Variants in ARL17B observed in about 807,000 individuals in gnomAD.
ARL17B encodes the protein ARF like GTPase 17B, also known as ADP-ribosylation factor-like protein 17.
At chr17:46,285,107 G>A (rs1162494019) in intron 4 of ARL17B, among the ~76,000 whole-genome samples, 1 of 152,188 alleles carries the variant, frequency 6.6e-6, no homozygotes, top group African/African-American at 2.4e-5. Flanking sequence ...TGACTCAAGT[G>A]ATCCTCCTGC....
chr17:46,282,229 A>T lies in ARL17B; in HGVS notation c.*22-6811T>A, dbSNP rs80015689. 3.9e-5 allele frequency among the ~76,000 whole-genome samples: 6 copies of T among 152,056 alleles called. No individual in the cohort carries two copies. In the East Asian group the frequency reaches 9.7e-4, roughly 25 times the overall value. ...GCCATTCTCCTGCCTCAGCCTCCCG[A>T]GTAGCTGGGACTACAGGCGTCTGCC... On this transcript the variant is annotated intron_variant, in intron 4 of 4. Coordinates refer to the ARL17B transcript ENST00000570618.
At chr17:46,279,508 T>TC (rs1383646574) in intron 4 of ARL17B, among the ~76,000 whole-genome samples, 3 of 149,814 alleles carry the variant, frequency 2.0e-5, no homozygotes, top group Non-Finnish European at 4.4e-5. Context: ...TTCTTTTTTT[T>TC]TTTTTTTTTT....
intron 4 of ARL17B, among the ~76,000 whole-genome samples, chr17:46,280,342 C>G (rs1184455895): frequency 6.6e-6 from 1 of 151,870 alleles, no homozygotes; most frequent in Non-Finnish European, 1.5e-5. Flanking sequence ...CCAGCCTGGG[C>G]AACAGAGTGA....
chr17:46,286,300 T>C (rs1273663103), intron 4 of ARL17B, among the ~76,000 whole-genome samples: 3 of 152,258 alleles, frequency 2.0e-5, no homozygotes, highest in Non-Finnish European at 4.4e-5. Flanking sequence ...AAGAACACTG[T>C]AATTTTGGAG....
In ARL17B at chr17:46,350,914, G is replaced by GTA. The variant is rs1403889262; in HGVS notation, c.259+1905_259+1906insTA. 5.1e-5 allele frequency among the ~76,000 whole-genome samples: 2 copies of GTA among 39,290 alleles called. 1 individual carries two copies. The highest frequency in any genetic ancestry group is 1.4e-4 in the African/African-American group (2 of 14,552). The allele number at this position is 39,290 out of a possible 152,430, so 25.8% of individuals were successfully genotyped here. On this transcript the variant is annotated intron_variant, in intron 3 of 3. Coordinates refer to ENST00000450673, the MANE Select transcript of ARL17B (RefSeq NM_001039083.5). The stretch of plus-strand genomic sequence containing the variant: ...CTGCTGTAGAATAAAAGACTAAAGA[G>GTA]GCAAAACAACAAAATGCACTGTGCG...
chr17:46,324,763 C>A lies in ARL17B; in HGVS notation c.260-25098G>T. 2.7e-5 allele frequency among the ~76,000 whole-genome samples: 2 copies of A among 74,654 alleles called. 1 individual carries two copies. The highest frequency in any genetic ancestry group is 6.7e-5 in the African/African-American group (2 of 29,648). 49.0% of individuals were successfully genotyped at this position (74,654 alleles called of 152,430 possible). A position where few individuals can be genotyped will look rare whatever the true frequency, so the allele number is the denominator to read the frequency against. On this transcript the variant is annotated intron_variant, in intron 3 of 4. Coordinates refer to the ARL17B transcript ENST00000434041. ...CCTGAGTCAGGAGGATCACTTGAAC[C>A]CAGGAAGTGGAGGTTGCAGTGAGCC...
chr17:46,283,528 G>A (rs2049826008), intron 4 of ARL17B, among the ~76,000 whole-genome samples: 1 of 152,254 alleles, frequency 6.6e-6, no homozygotes, highest in African/African-American at 2.4e-5. Flanking sequence ...TATATTAGGT[G>A]ATTTCTGCTC....
intron 4 of ARL17B, among the ~76,000 whole-genome samples, chr17:46,279,117 A>C (rs2049682365): frequency 6.6e-6 from 1 of 151,750 alleles, no homozygotes; most frequent in Non-Finnish European, 1.5e-5. Flanking sequence ...TATTTACATT[A>C]TTACGACAAT....
intron 3 of ARL17B, among the ~76,000 whole-genome samples, chr17:46,324,100 A>T (rs565992012): frequency 2.5e-5 from 3 of 120,992 alleles, no homozygotes; most frequent in African/African-American, 5.9e-5. Flanking sequence ...TGGAAATGCC[A>T]TCTCTACTAA....
At chr17:46,275,768 T>G (rs2049569334) in intron 4 of ARL17B, among the ~76,000 whole-genome samples, 1 of 152,240 alleles carries the variant, frequency 6.6e-6, no homozygotes, top group Admixed American at 6.5e-5. Context: ...TGTGTGTGTT[T>G]ATTTACACGG....
intron 4 of ARL17B, among the ~76,000 whole-genome samples, chr17:46,288,585 A>G (rs1182996413): frequency 6.6e-6 from 1 of 151,676 alleles, no homozygotes; most frequent in Non-Finnish European, 1.5e-5. Context: ...GGTGTGAGCC[A>G]CAGGGCCCAG....
chr17:46,292,906 T>C lies in ARL17B; in HGVS notation c.*21+6620A>G, dbSNP rs1490485178. ...ATATATGATGGTGGTTCTGTAAGCG[T>C]ATAATGGAGCTATCCCTATATAGGT... On this transcript the variant is annotated intron_variant, in intron 4 of 4. Coordinates refer to the ARL17B transcript ENST00000570618. The C allele has an allele frequency of 2.7e-5, 2 of 73,304 alleles. 1 individual carries two copies. The highest frequency in any genetic ancestry group is 5.1e-4 in the East Asian group (2 of 3,958). The allele number at this position is 73,304 out of a possible 1,614,324, so 4.5% of individuals were successfully genotyped here.
chr17:46,277,307 A>G (rs2049616995), intron 4 of ARL17B, among the ~76,000 whole-genome samples: 1 of 152,214 alleles, frequency 6.6e-6, no homozygotes. Context: ...GTCTTGCCAC[A>G]GGCCCCAGGA....
chr17:46,288,025 C>T (rs1315823251), intron 4 of ARL17B, among the ~76,000 whole-genome samples: 4 of 152,192 alleles, frequency 2.6e-5, no homozygotes, highest in Non-Finnish European at 1.5e-5. Flanking sequence ...ATTGGCACTC[C>T]TAGCTCTACC....
At chr17:46,275,785 G>A (rs1294543803) in intron 4 of ARL17B, among the ~76,000 whole-genome samples, 1 of 152,008 alleles carries the variant, frequency 6.6e-6, no homozygotes, top group South Asian at 2.1e-4. Context: ...ACGGATGAGG[G>A]GAATATAAAG....
At chr17:46,342,632 A>ATT (rs748174381) in intron 3 of ARL17B, among the ~76,000 whole-genome samples, 25,677 of 55,040 alleles carry the variant, frequency 0.47, 8,024 homozygotes, top group South Asian at 0.76. Context: ...CTTAAGGACA[A>ATT]TTTTTTTTTT....
intron 4 of ARL17B, among the ~76,000 whole-genome samples, chr17:46,282,925 C>G (rs1294135324): frequency 6.6e-6 from 1 of 152,002 alleles, no homozygotes; most frequent in Non-Finnish European, 1.5e-5. Flanking sequence ...TTGAGACCAT[C>G]CTGGCCAACA....
chr17:46,288,706 CT>C (rs199591277), intron 4 of ARL17B, among the ~76,000 whole-genome samples: 16,356 of 138,298 alleles, frequency 0.12, 1,017 homozygotes, highest in East Asian at 0.27. Flanking sequence ...CTTGTTTTTT[CT>C]TTTTTTTTTT....
At chr17:46,280,562 T>G (rs2143345882) in intron 4 of ARL17B, among the ~76,000 whole-genome samples, 1 of 145,122 alleles carries the variant, frequency 6.9e-6, no homozygotes, top group African/African-American at 2.6e-5. Context: ...TTATTTTTGA[T>G]AGCACACTTT....
Sources: allele counts gnomAD v4.1 joint callset (sites outside exome capture counted in the v4.1 genomes callset), GRCh38; gene constraint gnomAD v4.1.1; transcripts MANE v1.5; gene names NCBI Gene and HGNC (gene_info 2026-07-23, HGNC 2026-07-21).